UPF2: variants seen among roughly 807,000 people sequenced by gnomAD.
The protein encoded by UPF2 is regulator of nonsense transcripts 2.
A neutral mutation model predicts 141.4 loss-of-function variants in UPF2; 17 were observed. The ratio of observed to expected loss-of-function variants is 0.12; its 90% CI spans 0.08 to 0.18. UPF2 has a LOEUF of 0.18. Among genes scored for constraint, UPF2 ranks in the 10% least tolerant of loss-of-function variants. The pLI is 1.00. For missense variants in UPF2, 1,152 were observed against 1,515.9 expected, an observed-to-expected ratio of 0.76 and a Z score of 3.99; for synonymous variants, 540 against 498.0, an observed-to-expected ratio of 1.08 and a Z score of -1.12.
In UPF2 at chr10:11,998,564, G is replaced by A. The variant is rs569164654; in HGVS notation, c.1759-807C>T. Among the ~76,000 whole-genome samples, 8 of 152,066 alleles carry A rather than the reference G, an allele frequency of 5.3e-5. No individual in the cohort carries two copies. In the South Asian group the frequency reaches 8.3e-4, roughly 16 times the overall value. On this transcript the variant is annotated intron_variant, in intron 7 of 21. Transcript: ENST00000357604. The surrounding 1 kb of genome is among the most constrained non-coding windows in gnomAD (Gnocchi z 4.5). Reference sequence around the variant, plus strand: ...TTAAGGTTGAAACATAATAAAAATCGCTCCTTGGATGGGCACGGTGGCTCA... The same window carrying A: ...TTAAGGTTGAAACATAATAAAAATCACTCCTTGGATGGGCACGGTGGCTCA...
intron 8 of UPF2, among the ~76,000 whole-genome samples, chr10:11,986,676 C>A (rs1833696765): frequency 6.6e-6 from 1 of 152,104 alleles, no homozygotes; most frequent in African/African-American, 2.4e-5. Flanking sequence ...GAAGATGATT[C>A]CTAAAAAATG....
chr10:11,977,584 G>A (rs1044072848), intron 9 of UPF2, among the ~76,000 whole-genome samples: 1 of 152,086 alleles, frequency 6.6e-6, no homozygotes, highest in African/African-American at 2.4e-5. Context: ...TTTAATTTGG[G>A]GATTGGCTGA....
chr10:11,930,058 T>TG, intron 20 of UPF2, 73 bp from the exon 21 acceptor site: 2 of 1,592,310 alleles, frequency 1.3e-6, no homozygotes, highest in Non-Finnish European at 8.6e-7. Flanking sequence ...GTGAACGAAA[T>TG]GTTGGGGAGA....
Position 12,004,765 on chromosome 10 carries a change from G to A in UPF2, c.1307-38C>T, listed in dbSNP as rs200415032. The A allele has an allele frequency of 1.8e-5, 29 of 1,587,032 alleles. No homozygotes were observed. The Admixed American group carries it at 4.8e-4, about 26-fold the overall frequency. ...AAATCACAAGTAATTAACATAACTT[G>A]AGGTTATAGCATGATAAACATGACA... is the stretch of plus-strand genomic sequence containing the variant. On this transcript the variant is annotated intron_variant, in intron 4 of 21. Coordinates refer to ENST00000357604, the MANE Select transcript of UPF2 (RefSeq NM_015542.4).
intron 9 of UPF2, among the ~76,000 whole-genome samples, chr10:11,973,490 T>C (rs1218822660): frequency 6.6e-6 from 1 of 152,180 alleles, no homozygotes. Flanking sequence ...ACTGTCTAGG[T>C]TTTCTTCTAG....
At chr10:11,986,611 C>T (rs896176706) in intron 8 of UPF2, among the ~76,000 whole-genome samples, 3 of 152,034 alleles carry the variant, frequency 2.0e-5, no homozygotes, top group Non-Finnish European at 4.4e-5. Flanking sequence ...TGTGAAAGAA[C>T]GCTGTTACGG....
In UPF2 at chr10:11,980,941, A is replaced by G. The variant is rs924413372; in HGVS notation, c.1845-1776T>C. On this transcript the variant is annotated intron_variant, in intron 8 of 21. Transcript: ENST00000357604. The surrounding 1 kb of genome is among the most constrained non-coding windows in gnomAD (Gnocchi z 4.2). ...GGGCATGGTGGTCAATAATCCCAGC[A>G]CTTTGGCAGGCTGAGACAGGTGGAT... Among the ~76,000 whole-genome samples the G allele has an allele frequency of 1.3e-5, 2 of 152,158 alleles. No individual in the cohort carries two copies. Among genetic ancestry groups the G allele is most frequent in the Admixed American group, 1.3e-4 (2 of 15,268 alleles).
At position 12,001,271 on chromosome 10, in the gene UPF2, G is replaced by A. The variant is rs563925145; in HGVS notation, c.1654+405C>T. ...TCTACTAAAAATACAAAAATTAGCTGGGCATGGTGGCAGGCAGCTGTAATC... is the reference window on the plus strand; with the variant it reads ...TCTACTAAAAATACAAAAATTAGCTAGGCATGGTGGCAGGCAGCTGTAATC... On this transcript the variant is annotated intron_variant, in intron 6 of 21. Coordinates refer to ENST00000357604, the MANE Select transcript of UPF2 (RefSeq NM_015542.4). 2.8e-3 allele frequency among the ~76,000 whole-genome samples: 425 copies of A among 152,094 alleles called. 2 individuals are homozygous for A. The highest frequency in any genetic ancestry group is 9.8e-3 in the African/African-American group (405 of 41,484).
chr10:12,017,214 T>C (rs900600257), intron 3 of UPF2, among the ~76,000 whole-genome samples: 4 of 152,188 alleles, frequency 2.6e-5, no homozygotes, highest in Admixed American at 6.5e-5. Flanking sequence ...ACAATTACTA[T>C]GCAACATTAT....
chr10:12,007,628 A>C (rs1331562173), intron 4 of UPF2, among the ~76,000 whole-genome samples: 7 of 151,976 alleles, frequency 4.6e-5, no homozygotes, highest in Admixed American at 4.6e-4. Context: ...CAGGAGATCG[A>C]GACTATCCTA....
rs1013216222 is a variant in UPF2 at position 11,965,221 on chromosome 10, C to CAA, written c.2068-1098_2068-1097dup. Among the ~76,000 whole-genome samples, 235 of 151,972 alleles carry CAA rather than the reference C, an allele frequency of 1.5e-3. 1 individual carries two copies. Among genetic ancestry groups the CAA allele is most frequent in the African/African-American group, 5.2e-3 (217 of 41,480 alleles). ...ATTCCTGGGAAAGAAATTTCTGTGT[C>CAA]AAAAAAGTGTATATTCTTCCTATAT... On this transcript the variant is annotated intron_variant, in intron 10 of 21. Coordinates refer to ENST00000357604, the MANE Select transcript of UPF2 (RefSeq NM_015542.4).
At chr10:11,997,621 C>A (rs370875289) in intron 8 of UPF2, 51 bp downstream of exon 8, 63 of 1,507,098 alleles carry the variant, frequency 4.2e-5, no homozygotes, top group Non-Finnish European at 4.0e-5. Flanking sequence ...GATCTTACAG[C>A]CAGCACTACA....
rs1027853425 is a variant in UPF2 at position 11,965,422 on chromosome 10, G to A, written c.2068-1297C>T. On this transcript the variant is annotated intron_variant, in intron 10 of 21. Coordinates refer to ENST00000357604, the MANE Select transcript of UPF2 (RefSeq NM_015542.4). ...CCAGAGATGCTCTAAGAAGGATTAGGAAACTTATCCCTTCAATATTTACAA... is the reference window on the plus strand; with the variant it reads ...CCAGAGATGCTCTAAGAAGGATTAGAAAACTTATCCCTTCAATATTTACAA... Among the ~76,000 whole-genome samples the A allele has an allele frequency of 1.3e-4, 20 of 152,064 alleles. 1 individual carries two copies. Among genetic ancestry groups the A allele is most frequent in the African/African-American group, 4.8e-4 (20 of 41,388 alleles).
intron 9 of UPF2, among the ~76,000 whole-genome samples, chr10:11,978,034 G>A (rs1055555103): frequency 1.3e-5 from 2 of 152,020 alleles, no homozygotes; most frequent in Non-Finnish European, 2.9e-5. Flanking sequence ...TCCTTCCTTC[G>A]CACTCAAAGC....
At position 11,939,162 on chromosome 10, in the gene UPF2, T is replaced by C. The variant is rs1368290896; in HGVS notation, c.3379-2450A>G. On this transcript the variant is annotated intron_variant, in intron 18 of 21. Transcript: ENST00000357604. This position sits in a 1 kb window ranked among gnomAD's most constrained non-coding sequence, Gnocchi z 4.8. Reference sequence around the variant, plus strand: ...TGGGATTACAGGCATTGAGCCACTGTGCCTGGCCAGCAAGTTTCTTGTCTT... The same window carrying C: ...TGGGATTACAGGCATTGAGCCACTGCGCCTGGCCAGCAAGTTTCTTGTCTT... 1.3e-5 allele frequency among the ~76,000 whole-genome samples: 2 copies of C among 152,056 alleles called. No homozygotes were observed. The highest frequency in any genetic ancestry group is 2.4e-5 in the African/African-American group (1 of 41,370).
chr10:11,944,962 C>A (rs1038182512), intron 16 of UPF2, among the ~76,000 whole-genome samples: 3 of 152,230 alleles, frequency 2.0e-5, no homozygotes, highest in Admixed American at 6.5e-5. Context: ...AATTATTCAA[C>A]CTATCTGTGC....
chr10:11,949,642 TA>T (rs1833048821), intron 15 of UPF2, among the ~76,000 whole-genome samples: 2 of 152,210 alleles, frequency 1.3e-5, no homozygotes, highest in Non-Finnish European at 2.9e-5. Flanking sequence ...AGGTGTTAAA[TA>T]AATACCTGTT....
chr10:11,923,162 A>C (rs1003497934), intron 21 of UPF2: 1 of 152,246 alleles, frequency 6.6e-6, no homozygotes, highest in Non-Finnish European at 1.5e-5. Flanking sequence ...ATCTTGTTTA[A>C]AAGTAACCAG....
At chr10:12,003,234 G>A (rs995700669) in intron 5 of UPF2, among the ~76,000 whole-genome samples, 1 of 152,202 alleles carries the variant, frequency 6.6e-6, no homozygotes, top group African/African-American at 2.4e-5. Context: ...GTCCCCTGAT[G>A]TCTGGCTACT....
Sources: allele counts gnomAD v4.1 joint callset (sites outside exome capture counted in the v4.1 genomes callset), GRCh38; gene constraint gnomAD v4.1.1; non-coding constraint Gnocchi (gnomAD v3.1); transcripts MANE v1.5; gene names NCBI Gene and HGNC (gene_info 2026-07-23, HGNC 2026-07-21).